ZNF676: variants seen among roughly 807,000 people sequenced by gnomAD.
ZNF676 encodes zinc finger protein 676.
ZNF676 carries 4 observed loss-of-function variants against 6.0 expected under a neutral mutation model. The observed-to-expected ratio is 0.67, with a 90% CI of 0.33 to 1.53. The LOEUF (loss-of-function observed/expected upper bound fraction) is 1.53. ZNF676 is among the 40% of genes most tolerant of loss of function. The pLI, the probability that ZNF676 is intolerant of heterozygous loss-of-function variation, is 0.06. For missense variants in ZNF676, 644 were observed against 679.7 expected (o/e 0.95, Z 0.58); for synonymous variants, 198 against 223.1 (o/e 0.89, Z 1.00).
chr19:22,216,089 A>C (rs554170295), upstream of ZNF676, among the ~76,000 whole-genome samples: 5 of 152,372 alleles, frequency 3.3e-5, no homozygotes, highest in Admixed American at 6.5e-5. Flanking sequence ...TTAATAATAC[A>C]TAAAACTTTT....
At chr19:22,209,352 T>A (rs2024108234) in intron 1 of ZNF676, among the ~76,000 whole-genome samples, 2 of 151,238 alleles carry the variant, frequency 1.3e-5, no homozygotes, top group African/African-American at 2.4e-5. Flanking sequence ...GAGTATGTCC[T>A]TTGCAGCAAC....
intron 1 of ZNF676, among the ~76,000 whole-genome samples, chr19:22,209,199 T>C (rs532141484): frequency 2.6e-5 from 4 of 151,770 alleles, no homozygotes; most frequent in South Asian, 2.1e-4. Context: ...GAGGTGGAGG[T>C]TGCAGTGAAC....
intron 1 of ZNF676, among the ~76,000 whole-genome samples, chr19:22,208,510 CT>C (rs1378842004): frequency 6.6e-6 from 1 of 152,170 alleles, no homozygotes; most frequent in East Asian, 1.9e-4. Context: ...ACCCAGTAAC[CT>C]CACAACGGGG....
chr19:22,230,670 T>TA, the ZNF676 span, among the ~76,000 whole-genome samples: 509 of 54,662 alleles, frequency 9.3e-3, 1 homozygote, highest in African/African-American at 0.055. Context: ...TATATATATA[T>TA]TTTTTTGAGC....
chr19:22,215,377 G>A (rs369551135), intron 1 of ZNF676, among the ~76,000 whole-genome samples: 5 of 152,182 alleles, frequency 3.3e-5, no homozygotes, highest in East Asian at 1.9e-4. Flanking sequence ...CAATCTGGGA[G>A]AGACTCCGCG....
At position 22,183,111 on chromosome 19, in the gene ZNF676, C is replaced by A. The variant is rs569544226; in HGVS notation, c.131-1525G>T. On this transcript the variant is annotated intron_variant, in intron 2 of 2. Transcript: ENST00000397121. ...GAGGTTTTATGTAATCCCCAAGATA[C>A]CACACAAAAAAATCTGTATACATAC... Among the ~76,000 whole-genome samples, 7 of 150,928 alleles carry A rather than the reference C, an allele frequency of 4.6e-5. No homozygotes were observed. The South Asian group carries it at 6.3e-4, about 14-fold the overall frequency.
chr19:22,233,862 TC>T, the ZNF676 span, among the ~76,000 whole-genome samples: 2 of 152,200 alleles, frequency 1.3e-5, no homozygotes, highest in African/African-American at 4.8e-5. Context: ...ATTATCAAAA[TC>T]CTCCTCTGCT....
At chr19:22,232,770 C>T in the ZNF676 span, among the ~76,000 whole-genome samples, 1 of 151,780 alleles carries the variant, frequency 6.6e-6, no homozygotes, top group East Asian at 1.9e-4. Flanking sequence ...AAAAAAAAAC[C>T]TGAAAAAAGT....
chr19:22,185,232 G>A lies in ZNF676; in HGVS notation c.131-3646C>T, dbSNP rs1212761036. On this transcript the variant is annotated intron_variant, in intron 2 of 2. Coordinates refer to ENST00000397121, the MANE Select transcript of ZNF676 (RefSeq NM_001001411.3). ...GGTGATACCCAGGAAAAAGGGTCTG[G>A]AGTGGACCTCCAGCAAGGTCTAGCA... Among the ~76,000 whole-genome samples the A allele has an allele frequency of 2.0e-5, 3 of 152,164 alleles. No individual in the cohort carries two copies. The East Asian group carries it at 5.8e-4, about 29-fold the overall frequency.
the ZNF676 span, among the ~76,000 whole-genome samples, chr19:22,253,506 A>G: frequency 2.1e-5 from 3 of 142,780 alleles, no homozygotes; most frequent in Non-Finnish European, 4.5e-5. Context: ...GATAATGTGT[A>G]TATATATGTA....
chr19:22,196,529 G>A, intron 1 of ZNF676, 71 bp downstream of exon 1: 1 of 1,611,452 alleles, frequency 6.2e-7, no homozygotes, highest in Non-Finnish European at 8.5e-7. Context: ...CCTTTGTTCA[G>A]TCCAATAAGG....
At chr19:22,250,245 T>C in the ZNF676 span, among the ~76,000 whole-genome samples, 1 of 151,976 alleles carries the variant, frequency 6.6e-6, no homozygotes, top group African/African-American at 2.4e-5. Flanking sequence ...ACGTGAAATG[T>C]AGGCTTCTCT....
the ZNF676 span, among the ~76,000 whole-genome samples, chr19:22,247,706 A>C: frequency 6.6e-6 from 1 of 152,078 alleles, no homozygotes; most frequent in Non-Finnish European, 1.5e-5. Flanking sequence ...AATGTCTTGA[A>C]CCTGGGAGGC....
the ZNF676 span, among the ~76,000 whole-genome samples, chr19:22,238,177 G>T: frequency 6.6e-6 from 1 of 152,230 alleles, no homozygotes; most frequent in East Asian, 1.9e-4. Context: ...TCAGCCTCCT[G>T]AGTAGCTGGG....
At chr19:22,258,086 C>G in the ZNF676 span, among the ~76,000 whole-genome samples, 1 of 152,016 alleles carries the variant, frequency 6.6e-6, no homozygotes, top group Non-Finnish European at 1.5e-5. Context: ...TTCCTGTGAG[C>G]AAAGACCAGG....
At chr19:22,199,168 A>C (rs1254122910), upstream of ZNF676, among the ~76,000 whole-genome samples, 5 of 152,094 alleles carry the variant, frequency 3.3e-5, no homozygotes, top group East Asian at 9.6e-4. Context: ...TTTTGGCCCC[A>C]CTCTATGAAA....
At chr19:22,245,563 G>T in the ZNF676 span, among the ~76,000 whole-genome samples, 5 of 144,450 alleles carry the variant, frequency 3.5e-5, no homozygotes, top group Non-Finnish European at 7.5e-5. Flanking sequence ...TTCTTTAGGT[G>T]TTATGGTCAG....
At chr19:22,223,055 G>A in the ZNF676 span, among the ~76,000 whole-genome samples, 1 of 152,022 alleles carries the variant, frequency 6.6e-6, no homozygotes, top group African/African-American at 2.4e-5. Flanking sequence ...GCTACAAATG[G>A]GTGTCTTCCT....
chr19:22,200,871 G>A (rs1284565343), upstream of ZNF676, among the ~76,000 whole-genome samples: 2 of 151,544 alleles, frequency 1.3e-5, no homozygotes, highest in African/African-American at 2.4e-5. Context: ...TTTTTTTTAT[G>A]ACTATATGAA....
Sources: allele counts gnomAD v4.1 joint callset (sites outside exome capture counted in the v4.1 genomes callset), GRCh38; gene constraint gnomAD v4.1.1; transcripts MANE v1.5; gene names NCBI Gene and HGNC (gene_info 2026-07-23, HGNC 2026-07-21).